SUPT3H: variants seen among roughly 807,000 people sequenced by gnomAD.
The protein encoded by SUPT3H is transcription initiation protein SPT3 homolog.
SUPT3H carries 44 observed loss-of-function variants against 44.3 expected under a neutral mutation model. The ratio of observed to expected loss-of-function variants is 0.99; its 90% CI spans 0.78 to 1.28. The LOEUF (loss-of-function observed/expected upper bound fraction) is 1.28. Ranked by LOEUF, SUPT3H falls within the 50% of genes most tolerant of loss-of-function variation. The probability of loss-of-function intolerance (pLI) is 0.00; values close to 1 mark genes in which losing one functional copy is unlikely to be tolerated. For synonymous variants in SUPT3H, 124 were observed against 125.6 expected, an observed-to-expected ratio of 0.99 and a Z score of 0.09; for missense variants, 380 against 387.1, an observed-to-expected ratio of 0.98 and a Z score of 0.15.
At chr6:44,860,558 T>C (rs1774483885) in intron 10 of SUPT3H, among the ~76,000 whole-genome samples, 1 of 152,202 alleles carries the variant, frequency 6.6e-6, no homozygotes, top group Admixed American at 6.5e-5. Context: ...TCCCGACTCT[T>C]ATTCAACTGC....
intron 10 of SUPT3H, among the ~76,000 whole-genome samples, chr6:44,857,152 T>C (rs1773874888): frequency 6.6e-6 from 1 of 152,234 alleles, no homozygotes; most frequent in Non-Finnish European, 1.5e-5. Flanking sequence ...TTATTGTTAC[T>C]GTCTGCATTT....
chr6:45,092,184 C>G (rs1337038900), intron 3 of SUPT3H, among the ~76,000 whole-genome samples: 6 of 152,088 alleles, frequency 3.9e-5, no homozygotes, highest in African/African-American at 1.4e-4. Flanking sequence ...CCTTTCCATT[C>G]CATTTTCCTC....
intron 3 of SUPT3H, among the ~76,000 whole-genome samples, chr6:45,059,447 A>G (rs907621124): frequency 7.2e-5 from 11 of 152,162 alleles, no homozygotes; most frequent in African/African-American, 2.7e-4. Flanking sequence ...TCAAAATAAT[A>G]AGAGCCATAT....
intron 2 of SUPT3H, among the ~76,000 whole-genome samples, chr6:45,183,035 G>A (rs1813561005): frequency 6.6e-6 from 1 of 152,176 alleles, no homozygotes; most frequent in Non-Finnish European, 1.5e-5. Context: ...GTTCACTGCA[G>A]CATTATTCAC....
chr6:44,969,970 C>T lies in SUPT3H; in HGVS notation c.505-8142G>A, dbSNP rs111559419. ...AAATTTTGTGCTGAAAGTGAGTAAT[C>T]CTCAGCAAGTACAAAGCATCAGTGA... On this transcript the variant is annotated intron_variant, in intron 6 of 10. Coordinates refer to ENST00000371459, the MANE Select transcript of SUPT3H (RefSeq NM_003599.4). Among the ~76,000 whole-genome samples the T allele has an allele frequency of 9.0e-3, 1,366 of 152,142 alleles. 14 individuals are homozygous for T. The highest frequency in any genetic ancestry group is 0.028 in the South Asian group (137 of 4,820).
intron 10 of SUPT3H, among the ~76,000 whole-genome samples, chr6:44,859,074 C>T (rs1159313907): frequency 6.6e-6 from 1 of 152,082 alleles, no homozygotes. Context: ...CTTGATGTAA[C>T]CTAAAAAATA....
chr6:45,334,254 AC>A (rs1474760141), intron 2 of SUPT3H, among the ~76,000 whole-genome samples: 2 of 151,326 alleles, frequency 1.3e-5, no homozygotes, highest in East Asian at 3.9e-4. Context: ...TCGATTTTTT[AC>A]ATCAATGATG....
chr6:45,043,144 C>CACACACAT (rs933877117), intron 3 of SUPT3H, among the ~76,000 whole-genome samples: 13 of 138,902 alleles, frequency 9.4e-5, no homozygotes, highest in Admixed American at 5.6e-4. Context: ...TACACACATA[C>CACACACAT]ACACACACAC....
At chr6:45,374,793 A>T (rs1013550734) in intron 1 of SUPT3H, among the ~76,000 whole-genome samples, 1 of 152,242 alleles carries the variant, frequency 6.6e-6, no homozygotes, top group African/African-American at 2.4e-5. Flanking sequence ...CTAAAGGTTT[A>T]TATTCAAAGC....
At chr6:44,920,169 T>G (rs1768454628) in intron 10 of SUPT3H, among the ~76,000 whole-genome samples, 1 of 152,068 alleles carries the variant, frequency 6.6e-6, no homozygotes, top group Non-Finnish European at 1.5e-5. Flanking sequence ...TGAGTCACTG[T>G]GCCCAACCCA....
intron 2 of SUPT3H, among the ~76,000 whole-genome samples, chr6:45,355,141 T>G (rs922051132): frequency 1.2e-4 from 18 of 149,336 alleles, no homozygotes; most frequent in Non-Finnish European, 2.1e-4. Flanking sequence ...GACCTGGCTT[T>G]TTTTTTTTTT....
intron 2 of SUPT3H, among the ~76,000 whole-genome samples, chr6:45,204,884 T>C (rs1284961): frequency 0.62 from 94,319 of 151,996 alleles, 29,910 homozygotes; most frequent in African/African-American, 0.77. Context: ...ATTCTCACTA[T>C]TGTCAGTTTA....
chr6:45,063,384 C>T (rs1198567194), intron 3 of SUPT3H, among the ~76,000 whole-genome samples: 2 of 151,350 alleles, frequency 1.3e-5, no homozygotes, highest in Admixed American at 6.6e-5. Flanking sequence ...AAACTGGAAA[C>T]TCTAAAATGC....
intron 10 of SUPT3H, among the ~76,000 whole-genome samples, chr6:44,914,722 G>A (rs1019449409): frequency 2.0e-5 from 3 of 152,150 alleles, no homozygotes; most frequent in African/African-American, 4.8e-5. Flanking sequence ...TCAGACCATC[G>A]TTCTGTACAC....
chr6:45,347,614 T>C (rs1159284734), intron 2 of SUPT3H, among the ~76,000 whole-genome samples: 1 of 152,134 alleles, frequency 6.6e-6, no homozygotes, highest in Non-Finnish European at 1.5e-5. Flanking sequence ...TTGGGGTCTG[T>C]CTGCAAAAGC....
chr6:45,239,603 C>T (rs1040750684), intron 2 of SUPT3H, among the ~76,000 whole-genome samples: 30 of 152,340 alleles, frequency 2.0e-4, no homozygotes, highest in African/African-American at 6.5e-4. Context: ...TGTGTGGACA[C>T]CTTTTCTCAC....
intron 10 of SUPT3H, among the ~76,000 whole-genome samples, chr6:44,924,872 T>C (rs1769282578): frequency 6.6e-6 from 1 of 152,154 alleles, no homozygotes; most frequent in Non-Finnish European, 1.5e-5. Flanking sequence ...TATAATTTAT[T>C]TCTACCCAAT....
At chr6:45,030,207 G>A (rs534663794) in intron 3 of SUPT3H, among the ~76,000 whole-genome samples, 1 of 152,214 alleles carries the variant, frequency 6.6e-6, no homozygotes, top group African/African-American at 2.4e-5. Context: ...GTTATCCTTT[G>A]GTAACTCAGT....
At chr6:44,976,883 A>G (rs1778412341) in intron 6 of SUPT3H, among the ~76,000 whole-genome samples, 1 of 152,198 alleles carries the variant, frequency 6.6e-6, no homozygotes, top group South Asian at 2.1e-4. Context: ...AAGAATGCAG[A>G]AGAGCAAAAT....
Sources: gnomAD v4.1 joint callset for allele counts (sites outside exome capture counted in the v4.1 genomes callset) on GRCh38, gnomAD v4.1.1 for gene constraint, MANE v1.5 for transcripts, NCBI Gene and HGNC (gene_info 2026-07-23, HGNC 2026-07-21) for gene names.